GRIK2: variants seen among roughly 807,000 people sequenced by gnomAD.
GRIK2 encodes glutamate ionotropic receptor kainate type subunit 2.
GRIK2 carries 32 observed loss-of-function variants against 100.3 expected under a neutral mutation model. That is an observed-to-expected ratio of 0.32 (90% confidence interval 0.24 to 0.43). The LOEUF is 0.43. Among genes scored for constraint, GRIK2 ranks in the 20% least tolerant of loss-of-function variants. The pLI is 1.00. For synonymous variants in GRIK2, 417 were observed against 389.4 expected (o/e 1.07, Z -0.83); for missense variants, 843 against 1,114.9 (o/e 0.76, Z 3.47).
chr6:101,470,541 C>A (rs957144841), intron 2 of GRIK2, among the ~76,000 whole-genome samples: 1 of 152,100 alleles, frequency 6.6e-6, no homozygotes, highest in South Asian at 2.1e-4. Flanking sequence ...ATTTTTCTTT[C>A]TTTTTTCAGA....
intron 10 of GRIK2, among the ~76,000 whole-genome samples, chr6:101,855,689 T>C (rs1257076168): frequency 6.6e-6 from 1 of 152,194 alleles, no homozygotes; most frequent in Non-Finnish European, 1.5e-5. Context: ...AGAATAGGCC[T>C]TGAAGACCAG....
chr6:102,064,915 G>A (rs1771941148), intron 16 of GRIK2, among the ~76,000 whole-genome samples: 1 of 151,180 alleles, frequency 6.6e-6, no homozygotes, highest in Admixed American at 6.6e-5. Flanking sequence ...AGATTATCAA[G>A]TTTTAAAATG....
rs543203594 is a variant in GRIK2 at position 101,829,464 on chromosome 6, C to T, written c.1317+10981C>T. On this transcript the variant is annotated intron_variant, in intron 10 of 16. Coordinates refer to ENST00000369134, the MANE Select transcript of GRIK2 (RefSeq NM_021956.5). ...AAGAGGAAGTAACATTATTTCTCTT[C>T]ACTGAATTTATGATTTTATACCTAA... Among the ~76,000 whole-genome samples, 13 of 151,920 alleles carry T rather than the reference C, an allele frequency of 8.6e-5. No homozygotes were observed. In the South Asian group the frequency reaches 2.7e-3, roughly 32 times the overall value.
chr6:101,782,102 A>T (rs1343905079), intron 7 of GRIK2, among the ~76,000 whole-genome samples: 2 of 152,184 alleles, frequency 1.3e-5, no homozygotes, highest in African/African-American at 4.8e-5. Context: ...TGTAATGATC[A>T]AGTCAGGCTA....
At chr6:101,820,299 T>C (rs1781876590) in intron 10 of GRIK2, among the ~76,000 whole-genome samples, 1 of 152,198 alleles carries the variant, frequency 6.6e-6, no homozygotes, top group Non-Finnish European at 1.5e-5. Flanking sequence ...TCTGCAATGA[T>C]CATAGGATCA....
intron 13 of GRIK2, among the ~76,000 whole-genome samples, chr6:101,925,951 A>G (rs984017463): frequency 6.6e-6 from 1 of 151,834 alleles, no homozygotes; most frequent in African/African-American, 2.4e-5. Flanking sequence ...ACCAATAAAT[A>G]ATCTTTAATA....
chr6:101,439,189 G>GAAT (rs1562138557), intron 2 of GRIK2, among the ~76,000 whole-genome samples: 2 of 152,078 alleles, frequency 1.3e-5, no homozygotes, highest in African/African-American at 4.8e-5. Context: ...ATATCATATG[G>GAAT]ATTATTCTTA....
chr6:101,688,471 G>C (rs1328796083), intron 7 of GRIK2, among the ~76,000 whole-genome samples: 4 of 151,930 alleles, frequency 2.6e-5, no homozygotes, highest in Non-Finnish European at 5.9e-5. Context: ...TACAAAGAAT[G>C]ATGTATTAAT....
At chr6:102,009,449 C>T (rs1366413436) in intron 14 of GRIK2, among the ~76,000 whole-genome samples, 1 of 152,068 alleles carries the variant, frequency 6.6e-6, no homozygotes, top group East Asian at 1.9e-4. Flanking sequence ...CATATGACTT[C>T]CGTTAAGGTT....
At chr6:101,467,188 A>G (rs1771691863) in intron 2 of GRIK2, among the ~76,000 whole-genome samples, 1 of 152,196 alleles carries the variant, frequency 6.6e-6, no homozygotes, top group South Asian at 2.1e-4. Flanking sequence ...TTGAAATTGA[A>G]TAATTTCTGG....
intron 10 of GRIK2, among the ~76,000 whole-genome samples, chr6:101,825,173 G>A (rs368387524): frequency 6.6e-6 from 1 of 152,098 alleles, no homozygotes; most frequent in Non-Finnish European, 1.5e-5. Context: ...ATTAAAATGC[G>A]AGATAAGAGT....
chr6:101,649,052 C>T (rs191222913), intron 4 of GRIK2, among the ~76,000 whole-genome samples: 20 of 152,118 alleles, frequency 1.3e-4, no homozygotes, highest in African/African-American at 4.8e-4. Context: ...ACCCTTGACA[C>T]GTGGAGATTA....
chr6:101,713,668 TG>T (rs1773868468), intron 7 of GRIK2, among the ~76,000 whole-genome samples: 1 of 151,834 alleles, frequency 6.6e-6, no homozygotes, highest in Non-Finnish European at 1.5e-5. Flanking sequence ...TGCTAGCTTC[TG>T]TATTAATGTT....
intron 16 of GRIK2, among the ~76,000 whole-genome samples, chr6:102,066,381 C>T (rs764676192): frequency 6.6e-6 from 1 of 151,554 alleles, no homozygotes; most frequent in Non-Finnish European, 1.5e-5. Flanking sequence ...CTCTGCTCTA[C>T]ACAATTCAGG....
At chr6:101,666,719 T>G (rs1340782886) in intron 4 of GRIK2, among the ~76,000 whole-genome samples, 1 of 152,230 alleles carries the variant, frequency 6.6e-6, no homozygotes, top group African/African-American at 2.4e-5. Context: ...GTAAGAGATA[T>G]GCCAGCGTAC....
chr6:101,937,347 G>A (rs1390851903), intron 14 of GRIK2, among the ~76,000 whole-genome samples: 1 of 152,090 alleles, frequency 6.6e-6, no homozygotes, highest in African/African-American at 2.4e-5. Flanking sequence ...CAACTCATCA[G>A]TCTTAGGAGA....
chr6:101,840,629 G>C (rs1407546341), intron 10 of GRIK2, among the ~76,000 whole-genome samples: 1 of 152,076 alleles, frequency 6.6e-6, no homozygotes, highest in Non-Finnish European at 1.5e-5. Context: ...CCATTTATCA[G>C]TCAATTATTT....
chr6:101,703,195 A>G (rs1773016958), intron 7 of GRIK2, among the ~76,000 whole-genome samples: 2 of 152,038 alleles, frequency 1.3e-5, no homozygotes, highest in South Asian at 4.1e-4. Flanking sequence ...TCATTAGCAC[A>G]TAGATAATAT....
At chr6:101,446,807 AT>A (rs200827554) in intron 2 of GRIK2, among the ~76,000 whole-genome samples, 143,756 of 150,570 alleles carry the variant, frequency 0.95, 68,642 homozygotes, top group East Asian at 0.99. Flanking sequence ...GCTTTGTCGT[AT>A]TTTTTTTTGT....
Sources: allele counts gnomAD v4.1 joint callset (sites outside exome capture counted in the v4.1 genomes callset), GRCh38; gene constraint gnomAD v4.1.1; transcripts MANE v1.5; gene names NCBI Gene and HGNC (gene_info 2026-07-23, HGNC 2026-07-21).